Variants in TMEM131L observed in about 807,000 individuals in gnomAD.
TMEM131L encodes transmembrane protein 131-like.
Under a neutral mutation model 192.2 loss-of-function variants are expected in TMEM131L, and 54 were observed. The observed-to-expected ratio is 0.28, with a 90% CI of 0.23 to 0.35. TMEM131L has a LOEUF of 0.35. Ranked by LOEUF, TMEM131L falls within the 10% of genes least tolerant of loss-of-function variation. The pLI, the probability that TMEM131L is intolerant of heterozygous loss-of-function variation, is 1.00. For synonymous variants in TMEM131L, 701 were observed against 704.9 expected (o/e 0.99, Z 0.09); for missense variants, 1,888 against 1,972.9 (o/e 0.96, Z 0.82).
At chr4:153,522,871 C>T (rs1188492640) in intron 3 of TMEM131L, among the ~76,000 whole-genome samples, 1 of 152,196 alleles carries the variant, frequency 6.6e-6, no homozygotes, top group Non-Finnish European at 1.5e-5. Context: ...TGCCCACAGA[C>T]TACTTTGAGC....
intron 7 of TMEM131L, 115 bp downstream of exon 7, chr4:153,558,483 CA>C: frequency 3.8e-6 from 2 of 521,404 alleles, no homozygotes. Context: ...AAGTAATATA[CA>C]TATATAAAAT....
In TMEM131L at chr4:153,602,457, G is replaced by A. The variant is rs1383740942; in HGVS notation, c.2454-85G>A. On this transcript the variant is annotated intron_variant, in intron 22 of 34. Coordinates refer to ENST00000409959, the MANE Select transcript of TMEM131L (RefSeq NM_001131007.2). ...TTTTAATGTAAATATTTCTTTTGTA[G>A]GAGTATGATGTGTTGTCATTATTTT... 2.6e-6 allele frequency: 4 copies of A among 1,515,790 alleles called. No individual in the cohort carries two copies. The African/African-American group carries it at 5.6e-5, about 21-fold the overall frequency. 93.9% of individuals were successfully genotyped at this position (1,515,790 alleles called of 1,614,324 possible). A position where few individuals can be genotyped will look rare whatever the true frequency, so the allele number is the denominator to read the frequency against.
At chr4:153,530,654 G>GA (rs1735828434) in intron 3 of TMEM131L, among the ~76,000 whole-genome samples, 1 of 152,096 alleles carries the variant, frequency 6.6e-6, no homozygotes, top group Admixed American at 6.5e-5. Flanking sequence ...ATGCAAGTTC[G>GA]ACCTCTGGAG....
At chr4:153,608,260 G>A (rs1732377167) in intron 25 of TMEM131L, among the ~76,000 whole-genome samples, 1 of 151,994 alleles carries the variant, frequency 6.6e-6, no homozygotes, top group African/African-American at 2.4e-5. Context: ...CATTCTTTAG[G>A]GCTCTGTTTT....
intron 7 of TMEM131L, among the ~76,000 whole-genome samples, chr4:153,567,441 TTTTTGTCC>T: frequency 6.6e-6 from 1 of 152,280 alleles, no homozygotes; most frequent in East Asian, 1.9e-4. Context: ...CACCTGGAGT[TTTTTGTCC>T]TACCTCCAAG....
intron 23 of TMEM131L, 46 bp downstream of exon 23, chr4:153,602,773 C>A: frequency 6.4e-7 from 1 of 1,561,146 alleles, no homozygotes; most frequent in South Asian, 1.1e-5. Flanking sequence ...GTAGAGAAGT[C>A]ATCCAGGCAA....
At chr4:153,599,115 C>G (rs914962936) in intron 21 of TMEM131L, among the ~76,000 whole-genome samples, 1 of 152,162 alleles carries the variant, frequency 6.6e-6, no homozygotes, top group African/African-American at 2.4e-5. Context: ...GGCATCCGCT[C>G]AGCTTCTGAG....
At chr4:153,554,519 G>A (rs6844360) in intron 4 of TMEM131L, among the ~76,000 whole-genome samples, 66,226 of 152,068 alleles carry the variant, frequency 0.44, 18,276 homozygotes, top group African/African-American at 0.78. Context: ...TATAAGAGAA[G>A]CAACATCCAT....
intron 3 of TMEM131L, among the ~76,000 whole-genome samples, chr4:153,493,673 A>AG (rs1445864794): frequency 2.6e-5 from 4 of 152,082 alleles, no homozygotes. Flanking sequence ...AAGAAAAAAA[A>AG]CGCTTGGAGC....
intron 18 of TMEM131L, 74 bp from the exon 19 acceptor site, chr4:153,593,725 T>C: frequency 1.1e-6 from 1 of 949,956 alleles, no homozygotes; most frequent in South Asian, 1.3e-5. Context: ...TGTATATATG[T>C]GCACACACTT....
chr4:153,600,583 C>G (rs1490683798), intron 21 of TMEM131L, among the ~76,000 whole-genome samples: 1 of 152,154 alleles, frequency 6.6e-6, no homozygotes, highest in Non-Finnish European at 1.5e-5. Context: ...CAGCAACTTC[C>G]TCAGGAACTG....
At chr4:153,630,822 G>C (rs1323338722) in intron 31 of TMEM131L, among the ~76,000 whole-genome samples, 1 of 152,212 alleles carries the variant, frequency 6.6e-6, no homozygotes, top group Non-Finnish European at 1.5e-5. Flanking sequence ...GGGTGATGCA[G>C]ACCTGATCAG....
chr4:153,520,884 T>C (rs80248200), intron 3 of TMEM131L, among the ~76,000 whole-genome samples: 2,061 of 152,296 alleles, frequency 0.014, 50 homozygotes, highest in African/African-American at 0.046. Flanking sequence ...CCAGGGGTAA[T>C]TGTAGCTTCT....
At chr4:153,559,954 G>A (rs1455172818) in intron 7 of TMEM131L, among the ~76,000 whole-genome samples, 1 of 152,006 alleles carries the variant, frequency 6.6e-6, no homozygotes, top group African/African-American at 2.4e-5. Context: ...GCTCACTTGT[G>A]CAATGCCGTT....
rs1352105861 is a variant in TMEM131L, at chr4:153,603,905, G to A, written c.2893G>A (p.Ala965Thr). The stretch of plus-strand genomic sequence containing the variant: ...TCCCCAAAGCAGGATCCAGAATGCT[G>A]CAAAGAGGAGCCCAGCCACCTATGG... ...NTPQSRIQNA[A>T]KRSPATYGHS... The change falls in exon 25 of 35, where the codon GCA (alanine) becomes ACA (threonine). Residue 965 changes from alanine (A) to threonine (T), a missense_variant. Transcript: ENST00000409959. 6.2e-7 allele frequency: 1 copy of A among 1,614,090 alleles called. No individual in the cohort carries two copies. Among genetic ancestry groups the A allele is most frequent in the Non-Finnish European group, 8.5e-7 (1 of 1,179,978 alleles).
At chr4:153,632,638 G>C (rs1734288924) in intron 31 of TMEM131L, 80 bp from the exon 32 acceptor site, 1 of 1,557,136 alleles carries the variant, frequency 6.4e-7, no homozygotes, top group South Asian at 1.1e-5. Flanking sequence ...GTGTTTTCTG[G>C]AGGGAAGGGC....
chr4:153,546,538 A>G (rs1445851570), intron 3 of TMEM131L, among the ~76,000 whole-genome samples: 7 of 152,236 alleles, frequency 4.6e-5, no homozygotes, highest in Admixed American at 6.5e-5. Flanking sequence ...CAAACAGGAT[A>G]TAATTTCTTG....
intron 3 of TMEM131L, among the ~76,000 whole-genome samples, chr4:153,494,591 A>G (rs1203889684): frequency 6.6e-6 from 1 of 152,212 alleles, no homozygotes. Flanking sequence ...AACTATCTTT[A>G]ATATCTGATA....
chr4:153,538,798 C>T (rs761147516), intron 3 of TMEM131L, among the ~76,000 whole-genome samples: 7 of 152,206 alleles, frequency 4.6e-5, no homozygotes, highest in African/African-American at 1.7e-4. Context: ...GATATGCAGC[C>T]GCTGGCTCCA....
Sources: allele counts gnomAD v4.1 joint callset (sites outside exome capture counted in the v4.1 genomes callset), GRCh38; gene constraint gnomAD v4.1.1; transcripts MANE v1.5; gene names NCBI Gene and HGNC (gene_info 2026-07-23, HGNC 2026-07-21).